Variants in TRAF3IP1 observed in about 807,000 individuals in gnomAD.
TRAF3IP1 encodes the protein intraflagellar transport 54, also known as TRAF3-interacting protein 1.
TRAF3IP1 carries 53 observed loss-of-function variants against 89.9 expected under a neutral mutation model. That is an observed-to-expected ratio of 0.59 (90% CI 0.47 to 0.74). The LOEUF is 0.74. TRAF3IP1 is among the 30% of genes least tolerant of loss of function. The pLI is 0.00. For synonymous variants in TRAF3IP1, 311 were observed against 322.1 expected (o/e 0.97, Z 0.37); for missense variants, 806 against 866.1 (o/e 0.93, Z 0.87).
At chr2:238,381,491 G>T (rs151278927) in intron 15 of TRAF3IP1, among the ~76,000 whole-genome samples, 1 of 152,314 alleles carries the variant, frequency 6.6e-6, no homozygotes, top group African/African-American at 2.4e-5. Flanking sequence ...CCAGGTTCAG[G>T]CAGGCTTGCC....
intron 15 of TRAF3IP1, among the ~76,000 whole-genome samples, chr2:238,391,066 C>T (rs1000690413): frequency 1.5e-4 from 23 of 152,300 alleles, no homozygotes; most frequent in Admixed American, 2.0e-4. Flanking sequence ...GCAATCCTCC[C>T]TGCTTAGCCT....
intron 1 of TRAF3IP1, among the ~76,000 whole-genome samples, chr2:238,322,535 C>G (rs558327193): frequency 1.4e-4 from 22 of 151,998 alleles, no homozygotes; most frequent in Middle Eastern, 3.4e-3. Context: ...ACTGAAAATA[C>G]AAAAATTAGC....
chr2:238,348,282 G>T (rs1698992680), intron 10 of TRAF3IP1, among the ~76,000 whole-genome samples: 1 of 150,750 alleles, frequency 6.6e-6, no homozygotes, highest in Non-Finnish European at 1.5e-5. Context: ...CTAGAACCCT[G>T]TATATATATA....
intron 15 of TRAF3IP1, among the ~76,000 whole-genome samples, chr2:238,388,329 C>T (rs1057067291): frequency 1.0e-4 from 15 of 145,950 alleles, no homozygotes; most frequent in Non-Finnish European, 1.3e-4. Context: ...GAGCTGAGAT[C>T]GCGCCACTGC....
intron 7 of TRAF3IP1, among the ~76,000 whole-genome samples, chr2:238,334,900 C>T (rs1197303062): frequency 1.3e-5 from 2 of 152,154 alleles, no homozygotes; most frequent in East Asian, 1.9e-4. Flanking sequence ...GACCCTTCAC[C>T]CCACACCTTC....
intron 13 of TRAF3IP1, 85 bp from the exon 14 acceptor site, chr2:238,353,088 G>C: frequency 6.3e-7 from 1 of 1,578,712 alleles, no homozygotes; most frequent in Non-Finnish European, 8.6e-7. Context: ...TAATTTTGTT[G>C]TTCTTTTTTT....
At chr2:238,389,748 AAATAATAATAAT>A (rs71905391) in intron 15 of TRAF3IP1, among the ~76,000 whole-genome samples, 3 of 146,336 alleles carry the variant, frequency 2.1e-5, no homozygotes, top group Non-Finnish European at 4.5e-5. Flanking sequence ...ACTCCATCTC[AAATAATAATAAT>A]AATAATAATA....
Position 238,361,605 on chromosome 2 carries a change from G to T in TRAF3IP1, c.1689+5525G>T, listed in dbSNP as rs115829396. Among the ~76,000 whole-genome samples the T allele has an allele frequency of 2.0e-5, 3 of 151,988 alleles. No individual in the cohort carries two copies. The South Asian group carries it at 6.2e-4, about 32-fold the overall frequency. On this transcript the variant is annotated intron_variant, in intron 15 of 16. Transcript: ENST00000373327. ...CTTTGTACCCCCACCTCTCTAGGGAGCCCAGGCACTACGTGTTTCCGGGCT... is the reference window on the plus strand; with the variant it reads ...CTTTGTACCCCCACCTCTCTAGGGATCCCAGGCACTACGTGTTTCCGGGCT...
In TRAF3IP1 at chr2:238,328,923, T is replaced by A; in HGVS notation, c.499-3T>A. On this transcript the variant is annotated splice_region_variant and splice_polypyrimidine_tract_variant and intron_variant, in intron 4 of 16. Coordinates refer to ENST00000373327, the MANE Select transcript of TRAF3IP1 (RefSeq NM_015650.4). ...CATAAATGATTTTATTTTTATTTCG[T>A]AGGATAGAGGAGACGCTGAAATAAA... The A allele has an allele frequency of 1.3e-6, 2 of 1,564,054 alleles. No individual in the cohort carries two copies. The highest frequency in any genetic ancestry group is 1.7e-6 in the Non-Finnish European group (2 of 1,156,234).
At chr2:238,338,967 A>G (rs1234149943) in intron 8 of TRAF3IP1, among the ~76,000 whole-genome samples, 2 of 152,198 alleles carry the variant, frequency 1.3e-5, no homozygotes, top group Non-Finnish European at 2.9e-5. Context: ...GTTCAGTATC[A>G]GTAACCACTG....
chr2:238,349,503 TG>T, intron 12 of TRAF3IP1, 95 bp downstream of exon 12: 1 of 1,286,898 alleles, frequency 7.8e-7, no homozygotes, highest in Admixed American at 1.9e-5. Flanking sequence ...AAGCAGCACA[TG>T]GTGCTGGAAA....
In TRAF3IP1 at chr2:238,320,581, C is replaced by T. The variant is rs1275327989; in HGVS notation, c.-82C>T. 1 of 1,076,124 alleles carries T rather than the reference C, an allele frequency of 9.3e-7. No individual in the cohort carries two copies. The highest frequency in any genetic ancestry group is 1.7e-5 in the African/African-American group (1 of 58,966). The allele number at this position is 1,076,124 out of a possible 1,614,324, so 66.7% of individuals were successfully genotyped here. The stretch of plus-strand genomic sequence containing the variant: ...GGACCGGGCGGCGGCGGCGGCGGGG[C>T]CGGCGGCGGCCAGGGACCCGGGCTT... On this transcript the variant is annotated 5_prime_UTR_variant, in exon 1 of 17. Coordinates refer to ENST00000373327, the MANE Select transcript of TRAF3IP1 (RefSeq NM_015650.4).
intron 14 of TRAF3IP1, among the ~76,000 whole-genome samples, chr2:238,355,739 T>C (rs1699377420): frequency 6.6e-6 from 1 of 152,234 alleles, no homozygotes; most frequent in South Asian, 2.1e-4. Context: ...TCTTTGAAAA[T>C]AGAAAATCTA....
rs75113669 is a variant in TRAF3IP1, at chr2:238,356,157, C to T, written c.1689+77C>T. 8.6e-4 allele frequency: 997 copies of T among 1,157,134 alleles called. 8 individuals are homozygous for T. The African/African-American group carries it at 0.015, about 18-fold the overall frequency. The allele number at this position is 1,157,134 out of a possible 1,614,324, so 71.7% of individuals were successfully genotyped here. Reference sequence around the variant, plus strand: ...ATTTACAGACTTTTACAAGTTGGAGCATCTTTCAATATTACCATTATCAGT... The same window carrying T: ...ATTTACAGACTTTTACAAGTTGGAGTATCTTTCAATATTACCATTATCAGT... On this transcript the variant is annotated intron_variant, in intron 15 of 16. Coordinates refer to ENST00000373327, the MANE Select transcript of TRAF3IP1 (RefSeq NM_015650.4).
chr2:238,342,954 A>G (rs193289290), intron 8 of TRAF3IP1, among the ~76,000 whole-genome samples: 6 of 152,340 alleles, frequency 3.9e-5, no homozygotes, highest in Admixed American at 3.9e-4. Flanking sequence ...GTTTCAGGAA[A>G]GGGAACATTT....
intron 15 of TRAF3IP1, among the ~76,000 whole-genome samples, chr2:238,369,171 T>C (rs139235044): frequency 5.9e-5 from 9 of 152,198 alleles, no homozygotes; most frequent in African/African-American, 2.2e-4. Flanking sequence ...CAGTAAAAAA[T>C]GATAGAAAAT....
chr2:238,384,251 A>G (rs1028480639), intron 15 of TRAF3IP1, among the ~76,000 whole-genome samples: 15 of 152,030 alleles, frequency 9.9e-5, no homozygotes, highest in African/African-American at 3.6e-4. Context: ...CCCACGGCTG[A>G]CAACAGTTGC....
chr2:238,357,854 T>A (rs1006508014), intron 15 of TRAF3IP1, among the ~76,000 whole-genome samples: 1 of 152,188 alleles, frequency 6.6e-6, no homozygotes, highest in African/African-American at 2.4e-5. Flanking sequence ...ATTAGGATTG[T>A]GTTTCAAAGT....
At chr2:238,366,597 T>C (rs924315594) in intron 15 of TRAF3IP1, among the ~76,000 whole-genome samples, 1 of 152,228 alleles carries the variant, frequency 6.6e-6, no homozygotes, top group Non-Finnish European at 1.5e-5. Flanking sequence ...AAAGATTTTA[T>C]TTTTACTGAA....
Sources: gnomAD v4.1 joint callset for allele counts (sites outside exome capture counted in the v4.1 genomes callset) on GRCh38, gnomAD v4.1.1 for gene constraint, MANE v1.5 for transcripts, NCBI Gene and HGNC (gene_info 2026-07-23, HGNC 2026-07-21) for gene names.